The following COL11A1 variants were observed in gnomAD, a reference collection of about 807,000 sequenced individuals.
The protein encoded by COL11A1 is collagen type XI alpha 1 chain, also known as collagen alpha-1(XI) chain.
Under a neutral mutation model 265.2 loss-of-function variants are expected in COL11A1, and 74 were observed. That is an observed-to-expected ratio of 0.28 (90% CI 0.23 to 0.34). The LOEUF (loss-of-function observed/expected upper bound fraction) is 0.34, where lower values mean the gene tolerates loss of function less well. Among genes scored for constraint, COL11A1 ranks in the 10% least tolerant of loss-of-function variants. The pLI, the probability that COL11A1 is intolerant of heterozygous loss-of-function variation, is 1.00. For missense variants in COL11A1, 2,165 were observed against 2,263.6 expected (o/e 0.96, Z 0.88); for synonymous variants, 816 against 727.6 (o/e 1.12, Z -1.96).
chr1:103,070,422 C>T (rs72685220), intron 4 of COL11A1, among the ~76,000 whole-genome samples: 1 of 150,868 alleles, frequency 6.6e-6, no homozygotes, highest in Non-Finnish European at 1.5e-5. Context: ...CTATTAATAA[C>T]AAGGGAAAAA....
At chr1:103,011,090 C>A (rs934679539) in intron 14 of COL11A1, among the ~76,000 whole-genome samples, 1 of 152,106 alleles carries the variant, frequency 6.6e-6, no homozygotes, top group South Asian at 2.1e-4. Flanking sequence ...AAATTACAGT[C>A]GCTGGTTCCA....
Position 102,997,079 on chromosome 1 carries a change from C to A in COL11A1, c.2241+1G>T. 6.2e-7 allele frequency: 1 copy of A among 1,611,726 alleles called. No individual in the cohort carries two copies. The highest frequency in any genetic ancestry group is 8.5e-7 in the Non-Finnish European group (1 of 1,178,232). ...ATTTAAATGGATACTTTGGAACCTACCAGAGCCCCCTTTTCTCCAGACTGG... is the reference window on the plus strand; with the variant it reads ...ATTTAAATGGATACTTTGGAACCTAACAGAGCCCCCTTTTCTCCAGACTGG... On this transcript the variant is annotated splice_donor_variant, in intron 26 of 66. Coordinates refer to ENST00000370096, the MANE Select transcript of COL11A1 (RefSeq NM_001854.4). LOFTEE classifies it high-confidence loss of function.
At chr1:102,962,623 C>T (rs746561308) in intron 39 of COL11A1, 30 bp downstream of exon 39, 66 of 1,601,920 alleles carry the variant, frequency 4.1e-5, no homozygotes, top group Non-Finnish European at 5.2e-5. Flanking sequence ...AAGTTTTGGG[C>T]CAAAAAAAGT....
intron 49 of COL11A1, among the ~76,000 whole-genome samples, chr1:102,919,035 C>T (rs1655671405): frequency 6.6e-6 from 1 of 152,008 alleles, no homozygotes. Context: ...AGGTGTGTGC[C>T]TTGGTGCCTT....
chr1:102,937,509 T>C (rs1328014705), intron 44 of COL11A1, among the ~76,000 whole-genome samples: 1 of 151,938 alleles, frequency 6.6e-6, no homozygotes, highest in Non-Finnish European at 1.5e-5. Flanking sequence ...TAAATGGAGG[T>C]GTTTTGGTTC....
intron 4 of COL11A1, among the ~76,000 whole-genome samples, chr1:103,068,461 A>T (rs1671321008): frequency 6.6e-6 from 1 of 151,648 alleles, no homozygotes; most frequent in Admixed American, 6.6e-5. Context: ...TGATAAACAG[A>T]ATCCAATGAA....
intron 4 of COL11A1, among the ~76,000 whole-genome samples, chr1:103,055,707 C>T (rs1327321330): frequency 2.6e-5 from 4 of 152,196 alleles, no homozygotes; most frequent in East Asian, 1.9e-4. Context: ...AAAACAAATT[C>T]ATAAACTTTC....
At chr1:102,910,686 G>A (rs1417629989) in intron 54 of COL11A1, among the ~76,000 whole-genome samples, 1 of 150,060 alleles carries the variant, frequency 6.7e-6, no homozygotes, top group African/African-American at 2.5e-5. Flanking sequence ...TTTTTTTATT[G>A]TGTTACATGA....
At chr1:102,946,415 G>A (rs1239684244) in intron 42 of COL11A1, among the ~76,000 whole-genome samples, 1 of 151,962 alleles carries the variant, frequency 6.6e-6, no homozygotes, top group Non-Finnish European at 1.5e-5. Context: ...CTGGCGATCG[G>A]AGCTCAGATT....
At chr1:102,892,064 AT>A (rs1274083549) in intron 57 of COL11A1, among the ~76,000 whole-genome samples, 2 of 152,166 alleles carry the variant, frequency 1.3e-5, no homozygotes, top group African/African-American at 4.8e-5. Context: ...TATGTGACTT[AT>A]GAAATTAGGG....
In COL11A1 at chr1:102,877,833, TATGA is replaced by T; in HGVS notation, c.*182_*185del. On this transcript the variant is annotated 3_prime_UTR_variant, in exon 67 of 67. Coordinates refer to ENST00000370096, the MANE Select transcript of COL11A1 (RefSeq NM_001854.4). ...TCTTAGCCACACCAACTTATATCTT[TATGA>T]TTTTCAAAGCTTTTGCCATGTGATT... 1.7e-6 allele frequency: 1 copy of T among 578,948 alleles called. No individual in the cohort carries two copies. Among genetic ancestry groups the T allele is most frequent in the South Asian group, 2.1e-5 (1 of 47,614 alleles). 35.9% of individuals were successfully genotyped at this position (578,948 alleles called of 1,614,324 possible).
intron 44 of COL11A1, among the ~76,000 whole-genome samples, chr1:102,935,707 T>A (rs1658065833): frequency 6.6e-6 from 1 of 152,170 alleles, no homozygotes; most frequent in African/African-American, 2.4e-5. Flanking sequence ...TTTTCTTACA[T>A]TAGTAACGGG....
intron 29 of COL11A1, among the ~76,000 whole-genome samples, chr1:102,988,298 A>G (rs1368703647): frequency 3.3e-5 from 5 of 152,128 alleles, no homozygotes; most frequent in South Asian, 2.1e-4. Flanking sequence ...ACCAAGCAGC[A>G]GTTCTCATTT....
chr1:102,900,885 A>C (rs1191007760), intron 54 of COL11A1, among the ~76,000 whole-genome samples: 1 of 152,044 alleles, frequency 6.6e-6, no homozygotes, highest in Admixed American at 6.6e-5. Context: ...TATTCCTTAT[A>C]TGTTTTCCAG....
intron 40 of COL11A1, 36 bp from the exon 41 acceptor site, chr1:102,961,955 A>C (rs778660115): frequency 1.9e-6 from 3 of 1,584,492 alleles, no homozygotes; most frequent in Non-Finnish European, 2.6e-6. Context: ...AAATGAATCC[A>C]TATGAATTGA....
In COL11A1 at chr1:103,003,211, A is replaced by G; in HGVS notation, c.1998+4T>C. The G allele has an allele frequency of 6.2e-7, 1 of 1,613,294 alleles. No individual in the cohort carries two copies. The highest frequency in any genetic ancestry group is 1.1e-5 in the South Asian group (1 of 91,010). On this transcript the variant is annotated splice_donor_region_variant and intron_variant, in intron 21 of 66. Coordinates refer to ENST00000370096, the MANE Select transcript of COL11A1 (RefSeq NM_001854.4). ...AAATCTTCAATGTTTCCAGCAATAC[A>G]TACAGGCTGCCCTGGAGCTCCTGGA...
intron 5 of COL11A1, among the ~76,000 whole-genome samples, chr1:103,027,074 T>C (rs1466821532): frequency 6.6e-6 from 1 of 151,682 alleles, no homozygotes; most frequent in Non-Finnish European, 1.5e-5. Context: ...AAAAAAGGCA[T>C]AACACTTAGC....
At chr1:103,105,640 A>G (rs1486318659) in intron 1 of COL11A1, among the ~76,000 whole-genome samples, 2 of 152,134 alleles carry the variant, frequency 1.3e-5, no homozygotes, top group African/African-American at 4.8e-5. Context: ...AATGAAATCA[A>G]TGTCATAGTA....
chr1:102,899,582 T>TAAAATTGAAA (rs1378907131), intron 54 of COL11A1, among the ~76,000 whole-genome samples: 1 of 151,698 alleles, frequency 6.6e-6, no homozygotes, highest in Non-Finnish European at 1.5e-5. Context: ...ATATTAGAAG[T>TAAAATTGAAA]AAAATTGAAA....
Sources: gnomAD v4.1 joint callset for allele counts (sites outside exome capture counted in the v4.1 genomes callset) on GRCh38, gnomAD v4.1.1 for gene constraint, MANE v1.5 for transcripts, NCBI Gene and HGNC (gene_info 2026-07-23, HGNC 2026-07-21) for gene names.